Variants in HEPHL1 observed in about 807,000 individuals in gnomAD.
HEPHL1 encodes hephaestin like 1.
A neutral mutation model predicts 122.0 loss-of-function variants in HEPHL1; 123 were observed. The observed-to-expected ratio is 1.01, with a 90% CI of 0.87 to 1.17. The LOEUF (loss-of-function observed/expected upper bound fraction) is 1.17. HEPHL1 is among the 50% of genes most tolerant of loss of function. HEPHL1 has a pLI of 0.00. For missense variants in HEPHL1, 1,452 were observed against 1,430.5 expected, an observed-to-expected ratio of 1.01 and a Z score of -0.24; for synonymous variants, 527 against 508.9, an observed-to-expected ratio of 1.04 and a Z score of -0.48.
At chr11:94,030,613 C>T (rs1244964027) in intron 1 of HEPHL1, among the ~76,000 whole-genome samples, 8 of 152,146 alleles carry the variant, frequency 5.3e-5, no homozygotes, top group Admixed American at 5.2e-4. Context: ...TCCAGCTACA[C>T]CTGGAGAAGT....
chr11:94,068,880 C>G (rs1317841430), intron 5 of HEPHL1, among the ~76,000 whole-genome samples: 1 of 152,144 alleles, frequency 6.6e-6, no homozygotes, highest in Non-Finnish European at 1.5e-5. Context: ...TTCCCATAGT[C>G]ACTAATAGGT....
chr11:94,113,183 G>C lies in HEPHL1; in HGVS notation c.*1289G>C, dbSNP rs1340788006. ...ACCTATGCTTAGACAGTAGGTGTAAGATTGATAAAAGTAACATTGTTTATT... is the reference window on the plus strand; with the variant it reads ...ACCTATGCTTAGACAGTAGGTGTAACATTGATAAAAGTAACATTGTTTATT... On this transcript the variant is annotated 3_prime_UTR_variant, in exon 20 of 20. Coordinates refer to ENST00000315765, the MANE Select transcript of HEPHL1 (RefSeq NM_001098672.2). 1 of 152,174 alleles carries C rather than the reference G, an allele frequency of 6.6e-6. No individual in the cohort carries two copies. Among genetic ancestry groups the C allele is most frequent in the Non-Finnish European group, 1.5e-5 (1 of 68,040 alleles). The allele number at this position is 152,174 out of a possible 1,614,324, so 9.4% of individuals were successfully genotyped here. A position where few individuals can be genotyped will look rare whatever the true frequency, so the allele number is the denominator to read the frequency against.
chr11:94,071,341 TCA>T (rs1946072148), intron 6 of HEPHL1, among the ~76,000 whole-genome samples: 1 of 151,984 alleles, frequency 6.6e-6, no homozygotes, highest in African/African-American at 2.4e-5. Context: ...TTTTATTCAT[TCA>T]TTCATTCATT....
chr11:94,093,971 G>GATAGAT (rs71036310), intron 13 of HEPHL1, among the ~76,000 whole-genome samples: 94 of 72,726 alleles, frequency 1.3e-3, no homozygotes, highest in Non-Finnish European at 2.0e-3. Flanking sequence ...TCCTCCAGCA[G>GATAGAT]ATATATATAT....
chr11:94,032,148 C>G (rs1447159513), intron 1 of HEPHL1, among the ~76,000 whole-genome samples: 3 of 152,228 alleles, frequency 2.0e-5, no homozygotes, highest in African/African-American at 7.2e-5. Flanking sequence ...TTTTCTCCAA[C>G]TTCAATGTCA....
chr11:94,048,329 G>A (rs748449865), intron 2 of HEPHL1, among the ~76,000 whole-genome samples: 2 of 152,062 alleles, frequency 1.3e-5, no homozygotes, highest in Non-Finnish European at 2.9e-5. Context: ...ATCTGTGAGA[G>A]CCATGAGCCC....
intron 2 of HEPHL1, among the ~76,000 whole-genome samples, 183 bp downstream of exon 2, chr11:94,046,100 T>TTTTTTTTTTTTTTTTTTTTG (rs1945835316): frequency 8.2e-6 from 1 of 121,630 alleles, no homozygotes. Flanking sequence ...GCTTTTTTTT[T>TTTTTTTTTTTTTTTTTTTTG]TTTTTTTTTT....
At chr11:94,025,073 G>A (rs1003409718) in intron 1 of HEPHL1, among the ~76,000 whole-genome samples, 1 of 152,110 alleles carries the variant, frequency 6.6e-6, no homozygotes, top group Non-Finnish European at 1.5e-5. Context: ...TATGCACAAG[G>A]ACGAGATCGA....
At chr11:94,080,570 G>C (rs1441264582) in intron 9 of HEPHL1, among the ~76,000 whole-genome samples, 2 of 152,086 alleles carry the variant, frequency 1.3e-5, no homozygotes, top group East Asian at 1.9e-4. Context: ...CTAATATCCA[G>C]AATCTACAAG....
chr11:94,060,282 CATG>C (rs1285715385), intron 2 of HEPHL1, among the ~76,000 whole-genome samples: 166 of 151,396 alleles, frequency 1.1e-3, no homozygotes, highest in African/African-American at 3.6e-3. Flanking sequence ...CATATGCACA[CATG>C]ATATATATAT....
At chr11:94,099,591 G>C (rs112872457) in intron 13 of HEPHL1, among the ~76,000 whole-genome samples, 28 of 152,324 alleles carry the variant, frequency 1.8e-4, no homozygotes, top group African/African-American at 6.5e-4. Flanking sequence ...CTTTTGTTCG[G>C]CTATGCCTTG....
intron 13 of HEPHL1, among the ~76,000 whole-genome samples, chr11:94,096,906 T>A (rs1479889297): frequency 6.6e-6 from 1 of 152,214 alleles, no homozygotes; most frequent in East Asian, 1.9e-4. Context: ...GATTCTTCTC[T>A]CTCTTCTTCT....
chr11:94,072,917 G>T, intron 6 of HEPHL1, 108 bp from the exon 7 acceptor site: 2 of 1,003,876 alleles, frequency 2.0e-6, no homozygotes, highest in Admixed American at 2.4e-5. Flanking sequence ...CTTTTCTGGG[G>T]ACATGGGTGG....
At chr11:94,090,976 T>C (rs1025963621) in intron 12 of HEPHL1, among the ~76,000 whole-genome samples, 25 of 152,176 alleles carry the variant, frequency 1.6e-4, no homozygotes, top group African/African-American at 6.0e-4. Context: ...AGGGGAAGTT[T>C]ATGCAGTGGG....
chr11:94,110,405 C>T (rs746405602), intron 17 of HEPHL1, among the ~76,000 whole-genome samples: 101 of 152,252 alleles, frequency 6.6e-4, no homozygotes, highest in Non-Finnish European at 1.3e-3. Context: ...GCTGGAGGAT[C>T]CACTTCCAAA....
intron 13 of HEPHL1, among the ~76,000 whole-genome samples, chr11:94,095,998 G>A (rs965376164): frequency 1.3e-5 from 2 of 152,108 alleles, no homozygotes; most frequent in African/African-American, 2.4e-5. Context: ...ATTCCTAATT[G>A]AATACCCTTT....
At chr11:94,097,516 G>A (rs1489171776) in intron 13 of HEPHL1, among the ~76,000 whole-genome samples, 1 of 152,222 alleles carries the variant, frequency 6.6e-6, no homozygotes, top group Non-Finnish European at 1.5e-5. Flanking sequence ...AGAGAGTTCT[G>A]TAGGTGTCTA....
At chr11:94,055,955 TA>T in intron 2 of HEPHL1, 1 of 1,315,352 alleles carries the variant, frequency 7.6e-7, no homozygotes, top group Non-Finnish European at 1.1e-6. Flanking sequence ...CAGTGGACTC[TA>T]ACACTTTGGC....
rs1451552351 is a variant in HEPHL1 at position 94,075,185 on chromosome 11, C to G, written c.1516C>G (p.Pro506Ala). ...GTTTATATCCTCAGGATTTGTGAAA[C>G]CAGGGGCGCATGTTAAACCAGGTGA... ...AAPNLDGFVK[P>A]GAHVKPGETF... Residue 506 changes from proline to alanine, a missense_variant, in exon 9 of 20, where the codon CCA becomes GCA. Transcript: ENST00000315765. 11 of 1,612,706 alleles carry G rather than the reference C, an allele frequency of 6.8e-6. No individual in the cohort carries two copies. In the East Asian group the frequency reaches 2.5e-4, roughly 36 times the overall value.
Sources: allele counts gnomAD v4.1 joint callset (sites outside exome capture counted in the v4.1 genomes callset), GRCh38; gene constraint gnomAD v4.1.1; transcripts MANE v1.5; gene names NCBI Gene and HGNC (gene_info 2026-07-23, HGNC 2026-07-21).